Variants in ZBTB20 observed in about 807,000 individuals in gnomAD.
ZBTB20 encodes the protein zinc finger and BTB domain-containing protein 20.
Under a neutral mutation model 56.9 loss-of-function variants are expected in ZBTB20, and 9 were observed. The observed-to-expected ratio is 0.16, with a 90% CI of 0.10 to 0.28. ZBTB20 has a LOEUF of 0.28. Ranked by LOEUF, ZBTB20 falls within the 10% of genes least tolerant of loss-of-function variation. The pLI is 1.00. For missense variants in ZBTB20, 655 were observed against 1,003.0 expected (o/e 0.65, Z 4.69); for synonymous variants, 417 against 420.7 (o/e 0.99, Z 0.11).
chr3:114,440,382 G>A (rs1444440883), intron 7 of ZBTB20, among the ~76,000 whole-genome samples: 1 of 152,134 alleles, frequency 6.6e-6, no homozygotes, highest in African/African-American at 2.4e-5. Flanking sequence ...GCTCTTACAT[G>A]ATACCACTAT....
chr3:114,574,588 C>A (rs756156586), intron 6 of ZBTB20, among the ~76,000 whole-genome samples: 6 of 152,104 alleles, frequency 3.9e-5, no homozygotes, highest in African/African-American at 7.2e-5. Flanking sequence ...ACATATATCT[C>A]AATATCTTCA....
intron 1 of ZBTB20, among the ~76,000 whole-genome samples, chr3:115,144,488 T>TA (rs1300404229): frequency 1.3e-5 from 2 of 152,196 alleles, no homozygotes; most frequent in East Asian, 3.8e-4. Context: ...CAAGAGGAAT[T>TA]AGATGTTTGC....
At chr3:114,352,429 G>A (rs2080770485) in intron 10 of ZBTB20, among the ~76,000 whole-genome samples, 1 of 151,986 alleles carries the variant, frequency 6.6e-6, no homozygotes, top group African/African-American at 2.4e-5. Flanking sequence ...AAGTCATATG[G>A]CATATTATCA....
intron 7 of ZBTB20, among the ~76,000 whole-genome samples, chr3:114,461,988 AT>A (rs2092352549): frequency 6.6e-6 from 1 of 152,238 alleles, no homozygotes; most frequent in African/African-American, 2.4e-5. Flanking sequence ...ACTTTAGATT[AT>A]GTTCTTAGTC....
At chr3:114,448,592 T>C (rs1287690636) in intron 7 of ZBTB20, among the ~76,000 whole-genome samples, 1 of 152,108 alleles carries the variant, frequency 6.6e-6, no homozygotes, top group East Asian at 1.9e-4. Context: ...TAGGAAAAGA[T>C]GGCCATACTC....
chr3:115,021,116 T>C (rs2080186176), intron 2 of ZBTB20, among the ~76,000 whole-genome samples: 1 of 151,044 alleles, frequency 6.6e-6, no homozygotes, highest in African/African-American at 2.4e-5. Flanking sequence ...TAATTTTATG[T>C]ATTACTTGAG....
chr3:115,101,815 T>A (rs2083593085), intron 1 of ZBTB20, among the ~76,000 whole-genome samples: 1 of 152,180 alleles, frequency 6.6e-6, no homozygotes, highest in Non-Finnish European at 1.5e-5. Context: ...TGTATTAACA[T>A]GCTTCAAAAA....
At chr3:114,640,287 C>CG (rs377409571) in intron 6 of ZBTB20, among the ~76,000 whole-genome samples, 7 of 152,102 alleles carry the variant, frequency 4.6e-5, no homozygotes, top group East Asian at 3.9e-4. Flanking sequence ...AGGGACAGGG[C>CG]GGGGTGAATG....
chr3:114,639,185 CAAGT>C (rs2059428202), intron 6 of ZBTB20, among the ~76,000 whole-genome samples: 1 of 152,046 alleles, frequency 6.6e-6, no homozygotes, highest in Admixed American at 6.6e-5. Context: ...CCAAATATTA[CAAGT>C]AAGTAGTGGG....
intron 1 of ZBTB20, among the ~76,000 whole-genome samples, chr3:115,076,099 T>A (rs933548656): frequency 6.6e-6 from 1 of 152,126 alleles, no homozygotes; most frequent in South Asian, 2.1e-4. Flanking sequence ...CTACAAAACA[T>A]TGATGAAAGA....
chr3:114,368,409 C>G (rs1254630985), intron 10 of ZBTB20, among the ~76,000 whole-genome samples: 2 of 152,132 alleles, frequency 1.3e-5, no homozygotes, highest in Non-Finnish European at 2.9e-5. Flanking sequence ...CTGCCCCCAC[C>G]CTGAAGGCAT....
intron 6 of ZBTB20, among the ~76,000 whole-genome samples, chr3:114,673,167 C>A (rs558861527): frequency 1.4e-4 from 22 of 152,162 alleles, no homozygotes; most frequent in Non-Finnish European, 3.1e-4. Flanking sequence ...GGACAGCGGG[C>A]CATTTTCCCA....
chr3:114,862,387 A>T (rs1193086631), intron 4 of ZBTB20, among the ~76,000 whole-genome samples: 11 of 148,036 alleles, frequency 7.4e-5, no homozygotes, highest in Non-Finnish European at 1.1e-4. Context: ...GGATAAGAAC[A>T]TACCTAAAAT....
intron 4 of ZBTB20, among the ~76,000 whole-genome samples, chr3:114,884,024 C>A (rs2107600229): frequency 7.1e-6 from 1 of 141,562 alleles, no homozygotes; most frequent in South Asian, 2.4e-4. Flanking sequence ...CTCCCGGGTT[C>A]ACGCCATTCT....
chr3:114,759,641 G>T (rs2068290503), intron 5 of ZBTB20, among the ~76,000 whole-genome samples: 1 of 152,000 alleles, frequency 6.6e-6, no homozygotes. Flanking sequence ...AGTTATGAGT[G>T]TCAGATTTTC....
intron 1 of ZBTB20, among the ~76,000 whole-genome samples, chr3:115,077,702 C>A (rs1051271662): frequency 6.6e-6 from 1 of 152,132 alleles, no homozygotes; most frequent in Non-Finnish European, 1.5e-5. Flanking sequence ...TTGCCTCACA[C>A]CTGTCAGGGC....
chr3:114,755,300 C>G (rs916035281), intron 5 of ZBTB20, among the ~76,000 whole-genome samples: 21 of 152,098 alleles, frequency 1.4e-4, no homozygotes, highest in African/African-American at 4.6e-4. Flanking sequence ...AGGCAATTTG[C>G]TAAGACTTCT....
intron 5 of ZBTB20, among the ~76,000 whole-genome samples, chr3:114,726,433 TC>T (rs1407106230): frequency 1.3e-5 from 2 of 152,220 alleles, no homozygotes; most frequent in African/African-American, 4.8e-5. Flanking sequence ...TCTCTTTAGA[TC>T]AGTGGTTCTC....
chr3:114,621,511 T>C (rs978335737), intron 6 of ZBTB20, among the ~76,000 whole-genome samples: 7 of 152,212 alleles, frequency 4.6e-5, no homozygotes, highest in African/African-American at 1.4e-4. Flanking sequence ...AAAATATATG[T>C]CTTTCTTAGG....
Sources: allele counts gnomAD v4.1 joint callset (sites outside exome capture counted in the v4.1 genomes callset), GRCh38; gene constraint gnomAD v4.1.1; transcripts MANE v1.5; gene names NCBI Gene and HGNC (gene_info 2026-07-23, HGNC 2026-07-21).